The following DLG2 variants were observed in gnomAD, a reference collection of about 807,000 sequenced individuals.
DLG2 encodes disks large homolog 2.
Under a neutral mutation model 132.5 loss-of-function variants are expected in DLG2, and 45 were observed. The ratio of observed to expected loss-of-function variants is 0.34; its 90% CI spans 0.27 to 0.44. DLG2 has a LOEUF of 0.44. DLG2 is among the 20% of genes least tolerant of loss of function. The probability of loss-of-function intolerance (pLI) is 1.00; values close to 1 mark genes in which losing one functional copy is unlikely to be tolerated. For synonymous variants in DLG2, 424 were observed against 419.6 expected, an observed-to-expected ratio of 1.01 and a Z score of -0.13; for missense variants, 1,045 against 1,196.9, an observed-to-expected ratio of 0.87 and a Z score of 1.87.
chr11:84,603,197 C>T (rs2099579722), intron 6 of DLG2, among the ~76,000 whole-genome samples: 1 of 151,924 alleles, frequency 6.6e-6, no homozygotes, highest in Non-Finnish European at 1.5e-5. Flanking sequence ...CTGTCCTGAA[C>T]TCGTTTATGT....
chr11:83,786,603 A>G (rs2040001099), intron 18 of DLG2, 87 bp downstream of exon 18: 1 of 1,180,770 alleles, frequency 8.5e-7, no homozygotes, highest in African/African-American at 1.5e-5. Flanking sequence ...AATGATGGTG[A>G]CTCTAGTTAA....
chr11:84,384,093 C>T (rs577919488), intron 7 of DLG2, among the ~76,000 whole-genome samples: 38 of 135,050 alleles, frequency 2.8e-4, no homozygotes, highest in Admixed American at 2.4e-3. Context: ...CTCTCGATGA[C>T]GCTTTTTTTT....
At chr11:84,291,864 T>C (rs1194117066) in intron 7 of DLG2, among the ~76,000 whole-genome samples, 1 of 152,184 alleles carries the variant, frequency 6.6e-6, no homozygotes, top group Non-Finnish European at 1.5e-5. Flanking sequence ...TGTCATTTAG[T>C]AGGGAATCAT....
At chr11:84,711,951 T>C (rs1178627370) in intron 6 of DLG2, among the ~76,000 whole-genome samples, 1 of 152,076 alleles carries the variant, frequency 6.6e-6, no homozygotes, top group African/African-American at 2.4e-5. Context: ...GAATATAATA[T>C]GGCTCCTGCC....
At chr11:84,195,705 C>T (rs1014467732) in intron 8 of DLG2, among the ~76,000 whole-genome samples, 15 of 152,182 alleles carry the variant, frequency 9.9e-5, no homozygotes, top group Non-Finnish European at 1.9e-4. Flanking sequence ...TACATGTTTG[C>T]GCATATGTCA....
intron 6 of DLG2, among the ~76,000 whole-genome samples, chr11:85,110,436 CA>C (rs2072527211): frequency 6.6e-6 from 1 of 151,706 alleles, no homozygotes; most frequent in Non-Finnish European, 1.5e-5. Flanking sequence ...AAACCAAAAC[CA>C]AAAACAGAAA....
At chr11:83,630,059 C>A (rs1048076053) in intron 19 of DLG2, among the ~76,000 whole-genome samples, 10 of 152,196 alleles carry the variant, frequency 6.6e-5, no homozygotes, top group African/African-American at 2.4e-4. Flanking sequence ...ACTTGCACAG[C>A]ACCACTAAAG....
chr11:84,954,528 A>G (rs939261076), intron 6 of DLG2, among the ~76,000 whole-genome samples: 2 of 152,146 alleles, frequency 1.3e-5, no homozygotes, highest in African/African-American at 4.8e-5. Flanking sequence ...CCTATTACAC[A>G]CTAAGGTTGG....
At chr11:83,979,320 A>G (rs1416135955) in intron 12 of DLG2, among the ~76,000 whole-genome samples, 1 of 152,118 alleles carries the variant, frequency 6.6e-6, no homozygotes, top group Non-Finnish European at 1.5e-5. Context: ...CTCCCCAGAC[A>G]CTTCTCACAA....
intron 3 of DLG2, among the ~76,000 whole-genome samples, chr11:85,306,161 A>C (rs1284466522): frequency 6.6e-6 from 1 of 152,210 alleles, no homozygotes; most frequent in Non-Finnish European, 1.5e-5. Context: ...CACATAATAG[A>C]AGTTCATTAA....
chr11:84,880,812 TG>T (rs1456414429), intron 6 of DLG2, among the ~76,000 whole-genome samples: 1 of 152,134 alleles, frequency 6.6e-6, no homozygotes, highest in Non-Finnish European at 1.5e-5. Flanking sequence ...AAATTCAATA[TG>T]GTCTAAGCTC....
chr11:84,444,958 A>G (rs1161853986), intron 7 of DLG2, among the ~76,000 whole-genome samples: 1 of 151,926 alleles, frequency 6.6e-6, no homozygotes, highest in Non-Finnish European at 1.5e-5. Context: ...ACGTGCCACC[A>G]CGCCGAGCTA....
intron 3 of DLG2, among the ~76,000 whole-genome samples, chr11:85,450,084 G>A (rs773642255): frequency 5.9e-5 from 9 of 151,938 alleles, no homozygotes; most frequent in Admixed American, 1.3e-4. Context: ...AGCCAAGATC[G>A]CACCACTGCA....
intron 19 of DLG2, among the ~76,000 whole-genome samples, chr11:83,615,880 A>C (rs1475195039): frequency 1.3e-5 from 2 of 152,222 alleles, no homozygotes; most frequent in African/African-American, 4.8e-5. Context: ...CCTTGACTTT[A>C]ATCTGGTGAG....
At chr11:85,516,488 C>G (rs1420713226) in intron 3 of DLG2, among the ~76,000 whole-genome samples, 3 of 151,756 alleles carry the variant, frequency 2.0e-5, no homozygotes, top group Non-Finnish European at 4.4e-5. Flanking sequence ...AAGAATCAAC[C>G]AAATGAAAAG....
At chr11:85,565,433 G>A (rs1308170173) in intron 3 of DLG2, among the ~76,000 whole-genome samples, 2 of 151,888 alleles carry the variant, frequency 1.3e-5, no homozygotes, top group Admixed American at 6.6e-5. Context: ...TCACAATATT[G>A]AGCAACCATT....
intron 12 of DLG2, among the ~76,000 whole-genome samples, chr11:83,976,521 G>A (rs2092244458): frequency 6.6e-6 from 1 of 151,870 alleles, no homozygotes; most frequent in Non-Finnish European, 1.5e-5. Context: ...AGGTAGAAAG[G>A]AATGACAGAA....
intron 3 of DLG2, among the ~76,000 whole-genome samples, chr11:85,509,218 A>G (rs1409735480): frequency 6.6e-6 from 1 of 152,118 alleles, no homozygotes; most frequent in Non-Finnish European, 1.5e-5. Context: ...GAAAAGAAAT[A>G]AATCTAACAG....
chr11:83,988,572 G>A (rs376039688), intron 11 of DLG2, among the ~76,000 whole-genome samples: 1 of 152,054 alleles, frequency 6.6e-6, no homozygotes, highest in Non-Finnish European at 1.5e-5. Context: ...TTGTTTGTGT[G>A]ATCTCTGATT....
Sources: gnomAD v4.1 joint callset for allele counts (sites outside exome capture counted in the v4.1 genomes callset) on GRCh38, gnomAD v4.1.1 for gene constraint, MANE v1.5 for transcripts, NCBI Gene and HGNC (gene_info 2026-07-23, HGNC 2026-07-21) for gene names.